STAT6: variants seen among roughly 807,000 people sequenced by gnomAD.
STAT6 encodes signal transducer and activator of transcription 6, also known as STAT, interleukin4-induced.
Under a neutral mutation model 106.3 loss-of-function variants are expected in STAT6, and 45 were observed. The observed-to-expected ratio is 0.42, with a 90% confidence interval of 0.33 to 0.54. The LOEUF (loss-of-function observed/expected upper bound fraction) is 0.54, where lower values mean the gene tolerates loss of function less well. Among genes scored for constraint, STAT6 ranks in the 20% least tolerant of loss-of-function variants. STAT6 has a pLI of 0.06. For synonymous variants in STAT6, 413 were observed against 413.6 expected (o/e 1.00, Z 0.02); for missense variants, 797 against 1,062.2 (o/e 0.75, Z 3.47).
At chr12:57,110,816 ACTT>A (rs1264322000) in intron 1 of STAT6, among the ~76,000 whole-genome samples, 1 of 152,060 alleles carries the variant, frequency 6.6e-6, no homozygotes, top group Admixed American at 6.6e-5. Flanking sequence ...AGGGGCGGCC[ACTT>A]CCCCCGACTC....
rs1462316171 is a variant in STAT6 at position 57,108,230 on chromosome 12, G to A, written c.49C>T (p.Arg17Trp). 8.1e-6 allele frequency: 13 copies of A among 1,612,860 alleles called. No individual in the cohort carries two copies. The highest frequency in any genetic ancestry group is 4.4e-5 in the South Asian group (4 of 90,818). The stretch of plus-strand genomic sequence containing the variant: ...TGTTGGGGAAAGTCGACATAGAGCC[G>A]CTGCACTTTTTCTGGGGGCATCTTG... Reference protein sequence around the residue: ...VSKMPPEKVQRLYVDFPQHLR... With the variant: ...VSKMPPEKVQWLYVDFPQHLR... The change falls in exon 2 of 22, where the codon CGG (arginine) becomes TGG (tryptophan). Residue 17 changes from arginine to tryptophan, a missense_variant. By Grantham distance (101) the Arg-to-Trp change is moderately radical. Coordinates refer to ENST00000300134, the MANE Select transcript of STAT6 (RefSeq NM_003153.5).
rs2033383032 is a variant in STAT6, at chr12:57,095,903, T to TA, written c.*668dup. 1 of 152,360 alleles carries TA rather than the reference T, an allele frequency of 6.6e-6. No individual in the cohort carries two copies. Among genetic ancestry groups the TA allele is most frequent in the Admixed American group, 6.5e-5 (1 of 15,298 alleles). 9.4% of individuals were successfully genotyped at this position (152,360 alleles called of 1,614,324 possible). A position where few individuals can be genotyped will look rare whatever the true frequency, so the allele number is the denominator to read the frequency against. ...CTAGGTACATACACGTTCACACAGC[T>TA]ATACACGAAGAATCTCAGCCCTTGT... is the stretch of plus-strand genomic sequence containing the variant. On this transcript the variant is annotated 3_prime_UTR_variant, in exon 22 of 22. Transcript: ENST00000300134.
chr12:57,100,692 GAA>G lies in STAT6; in HGVS notation c.1513-604_1513-603del, dbSNP rs768486619. On this transcript the variant is annotated intron_variant, in intron 13 of 21. Coordinates refer to ENST00000300134, the MANE Select transcript of STAT6 (RefSeq NM_003153.5). ...AGAAAGAAAGAAAGAAAGAAAGAAA[GAA>G]AGAAAGAGAAAGAAAGAAAGAAAGA... Among the ~76,000 whole-genome samples, 438 of 49,850 alleles carry G rather than the reference GAA, an allele frequency of 8.8e-3. 1 individual carries two copies. Among genetic ancestry groups the G allele is most frequent in the Admixed American group, 0.014 (61 of 4,276 alleles). The allele number at this position is 49,850 out of a possible 152,430, so 32.7% of individuals were successfully genotyped here.
chr12:57,107,511 T>C, intron 3 of STAT6, 94 bp downstream of exon 3: 1 of 1,499,142 alleles, frequency 6.7e-7, no homozygotes, highest in Non-Finnish European at 9.1e-7. Flanking sequence ...ACCAATTTGC[T>C]TCCAGCATCC....
chr12:57,102,261 G>A (rs762152243), intron 13 of STAT6, 29 bp downstream of exon 13: 2 of 1,612,200 alleles, frequency 1.2e-6, no homozygotes, highest in South Asian at 1.1e-5. Context: ...GAGCTTGGGG[G>A]TGGGAGGTCC....
At chr12:57,104,839 C>A (rs576686995) in intron 9 of STAT6, 26 bp from the exon 10 acceptor site, 7 of 1,613,144 alleles carry the variant, frequency 4.3e-6, no homozygotes, top group Non-Finnish European at 5.9e-6. Flanking sequence ...AGAGTGTGAA[C>A]GAGCTCATCT....
intron 13 of STAT6, among the ~76,000 whole-genome samples, chr12:57,101,664 T>C (rs1416984574): frequency 4.1e-5 from 5 of 121,378 alleles, no homozygotes; most frequent in Non-Finnish European, 3.3e-5. Context: ...ATGCCTGGCC[T>C]TTTTTTTTTT....
intron 1 of STAT6, 112 bp from the exon 2 acceptor site, chr12:57,108,411 C>T (rs2136618573): frequency 3.2e-6 from 2 of 629,876 alleles, no homozygotes; most frequent in East Asian, 5.6e-5. Context: ...TCCCCACCAC[C>T]ACTCATGGCC....
Position 57,098,506 on chromosome 12 carries a change from C to T in STAT6, c.2158G>A (p.Glu720Lys). 1.2e-6 allele frequency: 2 copies of T among 1,614,152 alleles called. No individual in the cohort carries two copies. Among genetic ancestry groups the T allele is most frequent in the Non-Finnish European group, 1.7e-6 (2 of 1,180,002 alleles). ...ATCCCCATGAGGTTTTTCACTTACT[C>T]CTGGAAGGCTGACAACACGTTGACT... The part of the protein sequence containing the change: ...ESVNVLSAFQ[E>K]PHLQMPPSLG... The change falls in exon 19 of 22, where the codon GAG becomes AAG. Residue 720 changes from glutamate to lysine, a missense_variant and splice_region_variant. Around this residue, in one of 4 missense-constraint regions of STAT6, gnomAD observed 226 missense variants for 236.7 expected, o/e 0.95. Transcript: ENST00000300134.
In STAT6 at chr12:57,096,983, C is replaced by G; in HGVS notation, c.2226-5G>C. ...GGCTGGCACGGCAGCAGGCCCCTGC[C>G]AGGAACCAGCAATGGAAATAAGGAG... On this transcript the variant is annotated splice_region_variant and splice_polypyrimidine_tract_variant and intron_variant, in intron 20 of 21. Transcript: ENST00000300134. The G allele has an allele frequency of 6.2e-7, 1 of 1,612,654 alleles. No homozygotes were observed. The highest frequency in any genetic ancestry group is 2.2e-5 in the East Asian group (1 of 44,848).
chr12:57,109,491 C>T (rs540756963), intron 1 of STAT6, among the ~76,000 whole-genome samples: 45 of 152,252 alleles, frequency 3.0e-4, no homozygotes, highest in African/African-American at 1.0e-3. Context: ...GATTAACCAT[C>T]GCACTGTGTT....
rs1388706686 is a variant in STAT6, at chr12:57,099,697, C to T, written c.1744+70G>A. On this transcript the variant is annotated intron_variant, in intron 15 of 21. Coordinates refer to ENST00000300134, the MANE Select transcript of STAT6 (RefSeq NM_003153.5). This position sits in a 1 kb window ranked among gnomAD's most constrained non-coding sequence, Gnocchi z 4.7. ...AGGATCGGCATCAGGAAGGTCAGGA[C>T]ATTTCATTCCCAGAAGAAACCCCAG... is the stretch of plus-strand genomic sequence containing the variant. The T allele has an allele frequency of 1.3e-6, 2 of 1,599,312 alleles. No homozygotes were observed. The highest frequency in any genetic ancestry group is 1.7e-6 in the Non-Finnish European group (2 of 1,171,058).
chr12:57,102,751 C>A, intron 12 of STAT6, 78 bp downstream of exon 12: 1 of 1,222,478 alleles, frequency 8.2e-7, no homozygotes. Flanking sequence ...GCCCACCACC[C>A]CATCAGCAGG....
intron 1 of STAT6, among the ~76,000 whole-genome samples, chr12:57,108,526 T>A (rs1391389767): frequency 2.6e-5 from 4 of 152,058 alleles, no homozygotes; most frequent in Non-Finnish European, 1.5e-5. Context: ...GCCAGAGGGA[T>A]GGGGAGGCAA....
chr12:57,099,212 C>A lies in STAT6; in HGVS notation c.1891+82G>T, dbSNP rs559157661. 2.5e-6 allele frequency: 4 copies of A among 1,602,078 alleles called. No homozygotes were observed. In the African/African-American group the frequency reaches 5.4e-5, roughly 21 times the overall value. ...AATAGGGAGTGACATCAGGATGACA[C>A]GCGGGCAGGGAGAGGAGGGCAGCGG... On this transcript the variant is annotated intron_variant, in intron 16 of 21. Coordinates refer to ENST00000300134, the MANE Select transcript of STAT6 (RefSeq NM_003153.5). This position sits in a 1 kb window ranked among gnomAD's most constrained non-coding sequence, Gnocchi z 4.7.
intron 5 of STAT6, 40 bp from the exon 6 acceptor site, chr12:57,106,620 A>T: frequency 6.2e-7 from 1 of 1,613,816 alleles, no homozygotes; most frequent in East Asian, 2.2e-5. Context: ...CAGACAGATT[A>T]GAGGTTCAGA....
In STAT6 at chr12:57,104,242, A is replaced by G. The variant is rs144844553; in HGVS notation, c.1212+222T>C. 3.2e-3 allele frequency: 1,909 copies of G among 597,894 alleles called. 31 individuals carry two copies. Among genetic ancestry groups the G allele is most frequent in the Admixed American group, 0.029 (938 of 32,828 alleles). The allele number at this position is 597,894 out of a possible 1,614,324, so 37.0% of individuals were successfully genotyped here. On this transcript the variant is annotated intron_variant, in intron 11 of 21. Coordinates refer to ENST00000300134, the MANE Select transcript of STAT6 (RefSeq NM_003153.5). ...ATCATTTAATAGAGTGCCCTGGTCTATAGGAAGTGCTTCCGAAGTGTTTGC... is the reference window on the plus strand; with the variant it reads ...ATCATTTAATAGAGTGCCCTGGTCTGTAGGAAGTGCTTCCGAAGTGTTTGC...
chr12:57,110,301 G>A (rs1022818202), intron 1 of STAT6: 6 of 152,266 alleles, frequency 3.9e-5, no homozygotes, highest in African/African-American at 1.2e-4. Flanking sequence ...GCTTGACCAG[G>A]ACAGGGGCAC....
intron 19 of STAT6, chr12:57,097,424 C>CAG (rs1314099772): frequency 2.1e-5 from 6 of 289,584 alleles, no homozygotes; most frequent in Non-Finnish European, 3.8e-5. Flanking sequence ...GATGTTGTGT[C>CAG]TTGACTAAGT....
Sources: gnomAD v4.1 joint callset for allele counts (sites outside exome capture counted in the v4.1 genomes callset) on GRCh38, gnomAD v4.1.1 for gene constraint, gnomAD v4.1.1 regional missense constraint, Gnocchi (gnomAD v3.1) non-coding constraint, MANE v1.5 for transcripts, NCBI Gene and HGNC (gene_info 2026-07-23, HGNC 2026-07-21) for gene names.